The following NEO1 variants were observed in gnomAD, a reference collection of about 807,000 sequenced individuals.
NEO1 encodes neogenin.
NEO1 carries 63 observed loss-of-function variants against 159.7 expected under a neutral mutation model. That is an observed-to-expected ratio of 0.39 (90% CI 0.32 to 0.49). NEO1 has a LOEUF of 0.49. Ranked by LOEUF, NEO1 falls within the 20% of genes least tolerant of loss-of-function variation. NEO1 has a pLI of 0.85. For synonymous variants in NEO1, 633 were observed against 662.0 expected (o/e 0.96, Z 0.67); for missense variants, 1,615 against 1,831.0 (o/e 0.88, Z 2.15).
At chr15:73,230,356 C>G (rs2038838574) in intron 7 of NEO1, among the ~76,000 whole-genome samples, 1 of 151,930 alleles carries the variant, frequency 6.6e-6, no homozygotes, top group African/African-American at 2.4e-5. Context: ...TCCATTAAAG[C>G]TTTTTTAGTT....
chr15:73,292,966 A>G (rs2042214398), intron 25 of NEO1, among the ~76,000 whole-genome samples: 1 of 152,256 alleles, frequency 6.6e-6, no homozygotes, highest in Non-Finnish European at 1.5e-5. Context: ...TAGCAGGACA[A>G]AATAGAAAAT....
rs1433137189 is a variant in NEO1, at chr15:73,298,438, C to T, written c.3992C>T (p.Thr1331Ile). The T allele has an allele frequency of 6.2e-7, 1 of 1,614,102 alleles. No individual in the cohort carries two copies. The highest frequency in any genetic ancestry group is 1.7e-5 in the Admixed American group (1 of 60,006). The change falls in exon 27 of 29, where the codon ACC (threonine) becomes ATC (isoleucine). Residue 1331 changes from threonine to isoleucine, a missense_variant. Transcript: ENST00000261908. Reference sequence around the variant, plus strand: ...GATCACCAGGACCCTGAAGGTGCTACCAGCTCCTCTTACTTGGCCAGCTCC... The same window carrying T: ...GATCACCAGGACCCTGAAGGTGCTATCAGCTCCTCTTACTTGGCCAGCTCC... ...CTDHQDPEGA[T>I]SSSYLASSQE...
chr15:73,096,375 G>A (rs1006026517), intron 1 of NEO1, among the ~76,000 whole-genome samples: 4 of 152,108 alleles, frequency 2.6e-5, no homozygotes, highest in East Asian at 1.9e-4. Flanking sequence ...TGAAGCATTC[G>A]AAGAATTGCA....
chr15:73,125,387 A>T (rs2030061951), intron 3 of NEO1, among the ~76,000 whole-genome samples: 1 of 152,202 alleles, frequency 6.6e-6, no homozygotes, highest in Non-Finnish European at 1.5e-5. Context: ...CTGACTTTTA[A>T]AGCCTGGGCT....
chr15:73,272,409 T>C (rs755219403), intron 18 of NEO1, 46 bp from the exon 19 acceptor site: 1 of 1,434,268 alleles, frequency 7.0e-7, no homozygotes, highest in Non-Finnish European at 9.7e-7. Context: ...AATAGTGAAC[T>C]AATTTGAAAT....
At chr15:73,162,922 A>C (rs547689317) in intron 5 of NEO1, 1 of 183,978 alleles carries the variant, frequency 5.4e-6, no homozygotes, top group East Asian at 1.2e-4. Flanking sequence ...TGTCCATTGA[A>C]TCTTCCATGG....
intron 7 of NEO1, among the ~76,000 whole-genome samples, chr15:73,231,850 T>G (rs1362887658): frequency 6.6e-6 from 1 of 152,240 alleles, no homozygotes; most frequent in Non-Finnish European, 1.5e-5. Flanking sequence ...TTGTCTCTGA[T>G]GCAGCACTTG....
chr15:73,126,111 G>A (rs903911704), intron 3 of NEO1, among the ~76,000 whole-genome samples: 2 of 152,154 alleles, frequency 1.3e-5, no homozygotes, highest in African/African-American at 4.8e-5. Flanking sequence ...ATTTATTTGA[G>A]AAGTGTTTGC....
chr15:73,126,803 G>A (rs958091700), intron 4 of NEO1, among the ~76,000 whole-genome samples: 2 of 152,098 alleles, frequency 1.3e-5, no homozygotes, highest in African/African-American at 4.8e-5. Context: ...TGTTGAAGCC[G>A]CAGTGTACTC....
intron 5 of NEO1, among the ~76,000 whole-genome samples, chr15:73,139,232 G>A (rs2151765915): frequency 6.6e-6 from 1 of 152,158 alleles, no homozygotes; most frequent in Admixed American, 6.5e-5. Flanking sequence ...AAAGAAAAGA[G>A]GGGAAAAGCT....
chr15:73,140,219 C>G (rs1164599463), intron 5 of NEO1, among the ~76,000 whole-genome samples: 6 of 152,114 alleles, frequency 3.9e-5, no homozygotes, highest in Non-Finnish European at 7.3e-5. Flanking sequence ...GGAGTATACA[C>G]TGACACAATC....
chr15:73,105,032 C>T (rs2070610889), intron 1 of NEO1, among the ~76,000 whole-genome samples: 1 of 152,064 alleles, frequency 6.6e-6, no homozygotes, highest in Non-Finnish European at 1.5e-5. Context: ...ATTTAGAGCA[C>T]CTCTTGAAAA....
At chr15:73,301,643 A>T in intron 28 of NEO1, 186 bp downstream of exon 28, 1 of 733,868 alleles carries the variant, frequency 1.4e-6, no homozygotes, top group Non-Finnish European at 2.1e-6. Flanking sequence ...TGTGCTGAGG[A>T]CTTGGTGTGC....
At chr15:73,273,128 A>G (rs944493061) in intron 19 of NEO1, among the ~76,000 whole-genome samples, 1 of 151,464 alleles carries the variant, frequency 6.6e-6, no homozygotes, top group Non-Finnish European at 1.5e-5. Flanking sequence ...CTTTCAGAGG[A>G]AAACCTTCCA....
At position 73,302,695 on chromosome 15, in the gene NEO1, G is replaced by A. The variant is rs548149401; in HGVS notation, c.4385G>A (p.Ter1462=). ...GACCTAAACGCTATCACAACAGCATGACGACCTTCACCAGGACCTGACTTC... is the reference window on the plus strand; with the variant it reads ...GACCTAAACGCTATCACAACAGCATAACGACCTTCACCAGGACCTGACTTC... The part of the protein sequence containing the change: ...MKDLNAITTA[*] Residue 1462 remains the stop codon, a stop_retained_variant, in exon 29 of 29, where the codon TGA becomes TAA. Transcript: ENST00000261908. The A allele has an allele frequency of 1.9e-5, 30 of 1,613,752 alleles. No homozygotes were observed. In the South Asian group the frequency reaches 2.3e-4, roughly 12 times the overall value.
At chr15:73,103,257 C>T (rs1326322324) in intron 1 of NEO1, among the ~76,000 whole-genome samples, 1 of 152,190 alleles carries the variant, frequency 6.6e-6, no homozygotes, top group Non-Finnish European at 1.5e-5. Context: ...TCTTTACTTA[C>T]CATCTTAAAG....
chr15:73,201,552 A>G (rs1359835737), intron 7 of NEO1, among the ~76,000 whole-genome samples: 2 of 152,186 alleles, frequency 1.3e-5, no homozygotes, highest in African/African-American at 4.8e-5. Context: ...TGGATGGAAT[A>G]TGCTATAAAT....
intron 15 of NEO1, among the ~76,000 whole-genome samples, chr15:73,265,020 G>A (rs893656157): frequency 6.6e-6 from 1 of 152,184 alleles, no homozygotes; most frequent in South Asian, 2.1e-4. Context: ...AGATGAATAG[G>A]CGCTTACCTA....
At chr15:73,205,298 A>G (rs2037146416) in intron 7 of NEO1, among the ~76,000 whole-genome samples, 1 of 152,112 alleles carries the variant, frequency 6.6e-6, no homozygotes. Context: ...TCTCTTGACT[A>G]TGGGTTGTCG....
Sources: gnomAD v4.1 joint callset for allele counts (sites outside exome capture counted in the v4.1 genomes callset) on GRCh38, gnomAD v4.1.1 for gene constraint, MANE v1.5 for transcripts, NCBI Gene and HGNC (gene_info 2026-07-23, HGNC 2026-07-21) for gene names.